The following SLC4A4 variants were observed in gnomAD, a reference collection of about 807,000 sequenced individuals.
SLC4A4 encodes electrogenic sodium bicarbonate cotransporter 1.
In SLC4A4, 27 loss-of-function variants were observed where a neutral mutation model predicts 111.5. The observed-to-expected ratio is 0.24, with a 90% CI of 0.18 to 0.33. SLC4A4 has a LOEUF of 0.33. Among genes scored for constraint, SLC4A4 ranks in the 10% least tolerant of loss-of-function variants. The pLI is 1.00. For missense variants in SLC4A4, 909 were observed against 1,315.5 expected, an observed-to-expected ratio of 0.69 and a Z score of 4.78; for synonymous variants, 443 against 463.4, an observed-to-expected ratio of 0.96 and a Z score of 0.57.
At chr4:71,312,029 A>G (rs1388207959) in intron 3 of SLC4A4, among the ~76,000 whole-genome samples, 2 of 152,154 alleles carry the variant, frequency 1.3e-5, no homozygotes, top group African/African-American at 4.8e-5. Flanking sequence ...TGCTAGCCAG[A>G]CCAATAAAGA....
At chr4:71,545,207 C>T (rs1735411716) in intron 18 of SLC4A4, among the ~76,000 whole-genome samples, 1 of 151,980 alleles carries the variant, frequency 6.6e-6, no homozygotes, top group South Asian at 2.1e-4. Context: ...TACTAGCTCC[C>T]TTGCCTGTGA....
At chr4:71,409,382 G>A (rs1721157529) in intron 7 of SLC4A4, among the ~76,000 whole-genome samples, 1 of 152,212 alleles carries the variant, frequency 6.6e-6, no homozygotes, top group African/African-American at 2.4e-5. Flanking sequence ...GGCTGAGGTG[G>A]TCTCAGATGG....
intron 1 of SLC4A4, among the ~76,000 whole-genome samples, chr4:71,068,767 A>ACGTT (rs536617610): frequency 6.6e-6 from 1 of 151,846 alleles, no homozygotes; most frequent in Non-Finnish European, 1.5e-5. Flanking sequence ...GGATCTCACT[A>ACGTT]CGTTGCCCAG....
intron 6 of SLC4A4, among the ~76,000 whole-genome samples, chr4:71,394,085 T>G (rs890454291): frequency 2.6e-5 from 4 of 152,128 alleles, no homozygotes; most frequent in African/African-American, 7.2e-5. Flanking sequence ...GGAAAAACCC[T>G]TATAAACGTT....
At chr4:71,436,322 A>G (rs1479430206) in intron 7 of SLC4A4, among the ~76,000 whole-genome samples, 1 of 152,132 alleles carries the variant, frequency 6.6e-6, no homozygotes, top group Non-Finnish European at 1.5e-5. Context: ...AAAACCAAGC[A>G]CTGCATGTTC....
chr4:71,389,896 T>C (rs1719103596), intron 6 of SLC4A4, among the ~76,000 whole-genome samples: 1 of 152,128 alleles, frequency 6.6e-6, no homozygotes, highest in Non-Finnish European at 1.5e-5. Context: ...TTTAAAAATA[T>C]TTTAAACAAA....
chr4:71,377,255 G>C (rs1444538775), intron 6 of SLC4A4, among the ~76,000 whole-genome samples: 1 of 152,152 alleles, frequency 6.6e-6, no homozygotes, highest in Non-Finnish European at 1.5e-5. Context: ...ATACATAGCA[G>C]TAAATCAATA....
rs559108307 is a variant in SLC4A4, at chr4:71,401,093, C to T, written c.807+3440C>T. Among the ~76,000 whole-genome samples, 7 of 152,200 alleles carry T rather than the reference C, an allele frequency of 4.6e-5. No individual in the cohort carries two copies. The South Asian group carries it at 1.5e-3, about 32-fold the overall frequency. On this transcript the variant is annotated intron_variant, in intron 7 of 25. Coordinates refer to ENST00000264485, the MANE Select transcript of SLC4A4 (RefSeq NM_001098484.3). The stretch of plus-strand genomic sequence containing the variant: ...GGTGCCTTGCAACTTCCTGGAGCTA[C>T]CTAACTTCTTAGTAGCACAAAGAAT...
At chr4:71,343,850 C>T (rs576676769) in intron 4 of SLC4A4, among the ~76,000 whole-genome samples, 5 of 152,038 alleles carry the variant, frequency 3.3e-5, no homozygotes. Context: ...CCTCACTGGC[C>T]AGTCATGCTA....
intron 25 of SLC4A4, among the ~76,000 whole-genome samples, chr4:71,567,345 G>A (rs935219735): frequency 1.3e-5 from 2 of 151,592 alleles, no homozygotes; most frequent in Admixed American, 6.6e-5. Context: ...TTTAATTTCA[G>A]TATCGTCCCT....
chr4:71,217,776 T>C (rs1718522973), intron 1 of SLC4A4, among the ~76,000 whole-genome samples: 1 of 152,190 alleles, frequency 6.6e-6, no homozygotes, highest in Non-Finnish European at 1.5e-5. Context: ...TAGCTGGCAT[T>C]TCCTGATTGA....
intron 16 of SLC4A4, among the ~76,000 whole-genome samples, chr4:71,500,705 A>C (rs1164252890): frequency 6.6e-6 from 1 of 152,230 alleles, no homozygotes; most frequent in African/African-American, 2.4e-5. Context: ...TAGTTCACCT[A>C]GCACTATTTA....
intron 1 of SLC4A4, among the ~76,000 whole-genome samples, chr4:71,190,036 T>TA (rs1252328341): frequency 6.6e-6 from 1 of 152,182 alleles, no homozygotes; most frequent in African/African-American, 2.4e-5. Flanking sequence ...ACCTGTGACT[T>TA]ATGAAATTTA....
At chr4:71,436,520 C>A (rs183533422) in intron 7 of SLC4A4, among the ~76,000 whole-genome samples, 1 of 152,136 alleles carries the variant, frequency 6.6e-6, no homozygotes, top group African/African-American at 2.4e-5. Flanking sequence ...AACAAACCTG[C>A]ACATTCTGCA....
intron 4 of SLC4A4, among the ~76,000 whole-genome samples, chr4:71,347,200 A>G (rs1450722412): frequency 1.3e-5 from 2 of 152,186 alleles, no homozygotes; most frequent in Non-Finnish European, 2.9e-5. Context: ...TGCCTACAAT[A>G]TAAACTATGG....
chr4:71,369,438 A>G (rs550285432), intron 6 of SLC4A4, among the ~76,000 whole-genome samples: 1 of 152,212 alleles, frequency 6.6e-6, no homozygotes, highest in East Asian at 1.9e-4. Context: ...CCTCCATGGG[A>G]CACTTCTCTG....
chr4:71,122,443 A>G (rs929585303), intron 2 of SLC4A4, among the ~76,000 whole-genome samples: 9 of 152,160 alleles, frequency 5.9e-5, no homozygotes, highest in Admixed American at 5.2e-4. Context: ...AATCAGAAAG[A>G]AGTTGAAATA....
intron 3 of SLC4A4, among the ~76,000 whole-genome samples, chr4:71,284,391 T>C (rs997010857): frequency 6.6e-6 from 1 of 152,208 alleles, no homozygotes; most frequent in Non-Finnish European, 1.5e-5. Context: ...GTCCGTTCCA[T>C]GTGTGGATGG....
At chr4:71,160,985 T>A (rs1164023106) in intron 2 of SLC4A4, among the ~76,000 whole-genome samples, 1 of 152,214 alleles carries the variant, frequency 6.6e-6, no homozygotes, top group African/African-American at 2.4e-5. Flanking sequence ...AACTTCAAGA[T>A]GAAAAACATT....
Sources: allele counts gnomAD v4.1 joint callset (sites outside exome capture counted in the v4.1 genomes callset), GRCh38; gene constraint gnomAD v4.1.1; transcripts MANE v1.5; gene names NCBI Gene and HGNC (gene_info 2026-07-23, HGNC 2026-07-21).